The following ANK3 variants were observed in gnomAD, a reference collection of about 807,000 sequenced individuals.
The protein encoded by ANK3 is ankyrin-3.
ANK3 carries 57 observed loss-of-function variants against 370.9 expected under a neutral mutation model. The ratio of observed to expected loss-of-function variants is 0.15; its 90% CI spans 0.12 to 0.19. The LOEUF is 0.19. Ranked by LOEUF, ANK3 falls within the 10% of genes least tolerant of loss-of-function variation. The probability of loss-of-function intolerance (pLI) is 1.00; values close to 1 mark genes in which losing one functional copy is unlikely to be tolerated. For synonymous variants in ANK3, 1,929 were observed against 1,946.3 expected (o/e 0.99, Z 0.23); for missense variants, 4,439 against 5,302.1 (o/e 0.84, Z 5.06).
rs192244462 is a variant in ANK3, at chr10:60,128,559, T to G, written c.2841+5712A>C. Among the ~76,000 whole-genome samples, 17 of 152,190 alleles carry G rather than the reference T, an allele frequency of 1.1e-4. No individual in the cohort carries two copies. The East Asian group carries it at 3.1e-3, about 28-fold the overall frequency. ...TACCACTCGGCTAATTTTTGTATTT[T>G]TAGTAGAGACAGGGTTTCACCATGT... On this transcript the variant is annotated intron_variant, in intron 25 of 43. Transcript: ENST00000280772.
chr10:60,285,252 G>A (rs888753145), intron 1 of ANK3, among the ~76,000 whole-genome samples: 1 of 152,166 alleles, frequency 6.6e-6, no homozygotes, highest in African/African-American at 2.4e-5. Flanking sequence ...TTAACAATGT[G>A]AGTGCACAGC....
At chr10:60,724,209 C>CAAA (rs398013720) in intron 1 of ANK3, among the ~76,000 whole-genome samples, 35 of 54,456 alleles carry the variant, frequency 6.4e-4, no homozygotes, top group African/African-American at 1.0e-3. Flanking sequence ...GACTCCGTCT[C>CAAA]AAAAAAAAAA....
chr10:60,449,598 G>A (rs550711192), intron 2 of ANK3, among the ~76,000 whole-genome samples: 1 of 152,284 alleles, frequency 6.6e-6, no homozygotes, highest in South Asian at 2.1e-4. Flanking sequence ...CCTATTAGCT[G>A]TGTGACTTTG....
At chr10:60,170,414 A>G (rs751338645) in intron 21 of ANK3, among the ~76,000 whole-genome samples, 19 of 152,214 alleles carry the variant, frequency 1.2e-4, no homozygotes, top group Non-Finnish European at 1.3e-4. Flanking sequence ...CCTGAATTAC[A>G]TCAGTCCTGT....
chr10:60,685,143 A>T (rs1589024506), intron 1 of ANK3: 2 of 720,264 alleles, frequency 2.8e-6, no homozygotes, highest in East Asian at 8.5e-5. Context: ...CAAATGGAAA[A>T]GTGTCTACAG....
At chr10:60,194,301 G>A (rs1365196587) in intron 16 of ANK3, among the ~76,000 whole-genome samples, 1 of 152,154 alleles carries the variant, frequency 6.6e-6, no homozygotes, top group Non-Finnish European at 1.5e-5. Flanking sequence ...CAGGTCAGTA[G>A]TATTAACTAC....
chr10:60,432,676 A>G (rs2064055799), intron 2 of ANK3, among the ~76,000 whole-genome samples: 1 of 152,170 alleles, frequency 6.6e-6, no homozygotes, highest in Non-Finnish European at 1.5e-5. Flanking sequence ...AGCTGAACAA[A>G]CATGAGGCCA....
intron 22 of ANK3, 77 bp downstream of exon 22, chr10:60,166,747 C>T: frequency 6.3e-7 from 1 of 1,585,220 alleles, no homozygotes; most frequent in Non-Finnish European, 8.7e-7. Flanking sequence ...AACATTTTTG[C>T]AATGGACTTT....
At position 60,108,941 on chromosome 10, in the gene ANK3, G is replaced by T. The variant is rs1285701153; in HGVS notation, c.3062C>A (p.Thr1021Asn). The change falls in exon 27 of 44, where the codon ACC (threonine) becomes AAC (asparagine). Residue 1021 changes from threonine (T) to asparagine (N), a missense_variant. Physicochemically the swap from Thr to Asn is moderately conservative, Grantham distance 65. This residue lies in a region of ANK3 where 702 missense variants were observed against 941.5 expected (regional missense o/e 0.75). Coordinates refer to ENST00000280772, the MANE Select transcript of ANK3 (RefSeq NM_020987.5). ...TTTATGTCTCTTTACCAAACGGCAG[G>T]TGATTCGAGTGGGGGCCGTACACTT... is the stretch of plus-strand genomic sequence containing the variant. Reference protein sequence around the residue: ...PRKCTAPTRITCRLVKRHKLA... With the variant: ...PRKCTAPTRINCRLVKRHKLA... The T allele has an allele frequency of 4.3e-6, 7 of 1,614,084 alleles. No individual in the cohort carries two copies. The highest frequency in any genetic ancestry group is 5.9e-6 in the Non-Finnish European group (7 of 1,179,978).
At chr10:60,563,470 G>A (rs1476191239) in intron 2 of ANK3, among the ~76,000 whole-genome samples, 1 of 152,160 alleles carries the variant, frequency 6.6e-6, no homozygotes, top group Non-Finnish European at 1.5e-5. Flanking sequence ...ATCTTAGAAA[G>A]GTATGTATAA....
At chr10:60,038,579 CA>C (rs1459220615) in intron 43 of ANK3, among the ~76,000 whole-genome samples, 1 of 152,066 alleles carries the variant, frequency 6.6e-6, no homozygotes, top group Non-Finnish European at 1.5e-5. Context: ...AAAATATTTG[CA>C]AACTATGTAT....
chr10:60,648,534 GC>G (rs1342006475), intron 1 of ANK3, among the ~76,000 whole-genome samples: 4 of 142,072 alleles, frequency 2.8e-5, no homozygotes, highest in South Asian at 2.6e-4. Context: ...ACTTTGGGAG[GC>G]CGACAAGGGT....
intron 1 of ANK3, among the ~76,000 whole-genome samples, chr10:60,377,488 T>C (rs1425282094): frequency 6.6e-6 from 1 of 152,238 alleles, no homozygotes; most frequent in African/African-American, 2.4e-5. Context: ...CATGTAATAT[T>C]TGAAGTTAAA....
chr10:60,558,493 C>A (rs1362050681), intron 2 of ANK3, among the ~76,000 whole-genome samples: 1 of 152,156 alleles, frequency 6.6e-6, no homozygotes, highest in Non-Finnish European at 1.5e-5. Context: ...ACATCACAGC[C>A]AAGACAACTA....
intron 1 of ANK3, among the ~76,000 whole-genome samples, chr10:60,705,503 T>G (rs988523778): frequency 4.6e-5 from 7 of 152,320 alleles, no homozygotes; most frequent in Non-Finnish European, 1.0e-4. Flanking sequence ...CTCTAAGTTA[T>G]GATGAAACTA....
At chr10:60,124,620 AGT>A (rs2093664159) in intron 25 of ANK3, among the ~76,000 whole-genome samples, 1 of 152,246 alleles carries the variant, frequency 6.6e-6, no homozygotes, top group Non-Finnish European at 1.5e-5. Flanking sequence ...CAGAAATAAT[AGT>A]GGTGTTTTTG....
intron 1 of ANK3, among the ~76,000 whole-genome samples, chr10:60,701,229 G>A (rs1297281382): frequency 6.6e-6 from 1 of 151,904 alleles, no homozygotes; most frequent in African/African-American, 2.4e-5. Context: ...TAAAAATGAT[G>A]TCTGATGACA....
At chr10:60,339,017 A>T (rs56303906) in intron 1 of ANK3, among the ~76,000 whole-genome samples, 28,774 of 127,270 alleles carry the variant, frequency 0.23, 3,167 homozygotes, top group South Asian at 0.39. Flanking sequence ...GACAATTAGC[A>T]TATACTCCAA....
At chr10:60,043,511 G>T (rs1178051984) in intron 42 of ANK3, 1 of 985,312 alleles carries the variant, frequency 1.0e-6, no homozygotes, top group East Asian at 1.1e-4. Context: ...TGACTGGAGG[G>T]ATTCTTTAAC....
Sources: gnomAD v4.1 joint callset for allele counts (sites outside exome capture counted in the v4.1 genomes callset) on GRCh38, gnomAD v4.1.1 for gene constraint, gnomAD v4.1.1 regional missense constraint, MANE v1.5 for transcripts, NCBI Gene and HGNC (gene_info 2026-07-23, HGNC 2026-07-21) for gene names.